The following KIF26B variants were observed in gnomAD, a reference collection of about 807,000 sequenced individuals.
KIF26B encodes kinesin family member 26B.
KIF26B carries 63 observed loss-of-function variants against 151.2 expected under a neutral mutation model. The observed-to-expected ratio is 0.42, with a 90% CI of 0.34 to 0.51. KIF26B has a LOEUF of 0.51. Ranked by LOEUF, KIF26B falls within the 20% of genes least tolerant of loss-of-function variation. The probability of loss-of-function intolerance (pLI) is 0.07; values close to 1 mark genes in which losing one functional copy is unlikely to be tolerated. For synonymous variants in KIF26B, 1,357 were observed against 1,262.1 expected, an observed-to-expected ratio of 1.08 and a Z score of -1.59; for missense variants, 2,813 against 2,913.6, an observed-to-expected ratio of 0.97 and a Z score of 0.79.
Position 245,702,892 on chromosome 1 carries a change from A to C in KIF26B, c.*286A>C. ...GAGGAACCTTAAAGACCTTGTTTGT[A>C]CATAAGAACTGCTAGCAAAAGAGAC... On this transcript the variant is annotated 3_prime_UTR_variant, in exon 15 of 15. Coordinates refer to ENST00000407071, the MANE Select transcript of KIF26B (RefSeq NM_018012.4). The surrounding 1 kb of genome is among the most constrained non-coding windows in gnomAD (Gnocchi z 4.1). The C allele has an allele frequency of 2.8e-6, 1 of 352,952 alleles. No homozygotes were observed. The highest frequency in any genetic ancestry group is 5.1e-6 in the Non-Finnish European group (1 of 196,744). The allele number at this position is 352,952 out of a possible 1,614,324, so 21.9% of individuals were successfully genotyped here.
At chr1:245,205,519 T>C (rs1457330676) in intron 2 of KIF26B, among the ~76,000 whole-genome samples, 1 of 152,126 alleles carries the variant, frequency 6.6e-6, no homozygotes, top group African/African-American at 2.4e-5. Context: ...AAAGATGTGG[T>C]TGAGAACTAC....
chr1:245,261,346 G>C (rs571721668), intron 2 of KIF26B, among the ~76,000 whole-genome samples: 1 of 152,164 alleles, frequency 6.6e-6, no homozygotes, highest in East Asian at 1.9e-4. Context: ...GGTCAGGCTG[G>C]TCTCGAACTC....
In KIF26B at chr1:245,642,932, G is replaced by T. The variant is rs1210048893; in HGVS notation, c.2099-3189G>T. ...TCCCAGGAGGACACTGCATCAATAG[G>T]ATAGTTCCACGACTGCAGCAGGAGG... On this transcript the variant is annotated intron_variant, in intron 9 of 14. Coordinates refer to ENST00000407071, the MANE Select transcript of KIF26B (RefSeq NM_018012.4). Among the ~76,000 whole-genome samples the T allele has an allele frequency of 3.9e-5, 6 of 152,148 alleles. No homozygotes were observed. In the East Asian group the frequency reaches 1.2e-3, roughly 29 times the overall value.
intron 2 of KIF26B, among the ~76,000 whole-genome samples, chr1:245,220,347 C>T (rs1195598684): frequency 6.6e-6 from 1 of 152,170 alleles, no homozygotes; most frequent in Non-Finnish European, 1.5e-5. Context: ...AGAATGATCA[C>T]TGACTCCACT....
intron 12 of KIF26B, among the ~76,000 whole-genome samples, 192 bp downstream of exon 12, chr1:245,688,999 C>T (rs1344589603): frequency 6.6e-6 from 1 of 152,126 alleles, no homozygotes; most frequent in Non-Finnish European, 1.5e-5. Context: ...CCAGGCCTGG[C>T]CTCTCCTTTC....
intron 2 of KIF26B, among the ~76,000 whole-genome samples, chr1:245,351,371 T>A (rs1672565664): frequency 6.6e-6 from 1 of 152,222 alleles, no homozygotes; most frequent in Non-Finnish European, 1.5e-5. Context: ...TGGCTATGCC[T>A]TTTCACGTGT....
At chr1:245,633,706 G>A (rs2043805348) in intron 9 of KIF26B, among the ~76,000 whole-genome samples, 1 of 151,934 alleles carries the variant, frequency 6.6e-6, no homozygotes, top group Non-Finnish European at 1.5e-5. Context: ...ATAGCTTTCA[G>A]CAATATTTCA....
intron 10 of KIF26B, among the ~76,000 whole-genome samples, chr1:245,658,754 T>C (rs1393114847): frequency 6.6e-6 from 1 of 152,140 alleles, no homozygotes; most frequent in Non-Finnish European, 1.5e-5. Flanking sequence ...TCTTTGAGGC[T>C]TATCTCAAAT....
intron 2 of KIF26B, among the ~76,000 whole-genome samples, chr1:245,215,476 G>A (rs1669626078): frequency 6.6e-6 from 1 of 152,186 alleles, no homozygotes; most frequent in Admixed American, 6.5e-5. Flanking sequence ...GCTCCTCAGG[G>A]CCTGTGGAGA....
intron 10 of KIF26B, among the ~76,000 whole-genome samples, chr1:245,677,540 A>G (rs1434179934): frequency 6.6e-6 from 1 of 152,262 alleles, no homozygotes; most frequent in Non-Finnish European, 1.5e-5. Flanking sequence ...AAATGCCATC[A>G]GGATAGCTCA....
intron 4 of KIF26B, among the ~76,000 whole-genome samples, chr1:245,452,836 T>G (rs1179865779): frequency 2.0e-5 from 3 of 152,204 alleles, no homozygotes; most frequent in Non-Finnish European, 2.9e-5. Context: ...GATACAAACA[T>G]TTATCATATA....
At chr1:245,562,000 C>G (rs1008554581) in intron 5 of KIF26B, among the ~76,000 whole-genome samples, 1 of 152,114 alleles carries the variant, frequency 6.6e-6, no homozygotes, top group Non-Finnish European at 1.5e-5. Flanking sequence ...TGGTTTCTCC[C>G]AGGGCCGTTG....
intron 3 of KIF26B, among the ~76,000 whole-genome samples, chr1:245,383,057 A>C (rs1489251927): frequency 2.0e-5 from 3 of 148,904 alleles, no homozygotes; most frequent in Non-Finnish European, 4.5e-5. Context: ...ATATATACAG[A>C]GAGAGAGAGA....
chr1:245,679,710 C>T (rs2147948159), intron 10 of KIF26B, among the ~76,000 whole-genome samples: 1 of 152,264 alleles, frequency 6.6e-6, no homozygotes, highest in Admixed American at 6.5e-5. Context: ...CTCAGGTGAT[C>T]TGCCCGCCTC....
chr1:245,362,982 T>C (rs1292517615), intron 2 of KIF26B, among the ~76,000 whole-genome samples: 1 of 152,208 alleles, frequency 6.6e-6, no homozygotes, highest in East Asian at 1.9e-4. Flanking sequence ...CCCGTGAGAC[T>C]ATCTCTGATC....
At chr1:245,359,022 CTTT>C (rs544907561) in intron 2 of KIF26B, among the ~76,000 whole-genome samples, 1 of 147,556 alleles carries the variant, frequency 6.8e-6, no homozygotes, top group Non-Finnish European at 1.5e-5. Flanking sequence ...GTTTCTCTCT[CTTT>C]TTTTTTTTCT....
intron 3 of KIF26B, among the ~76,000 whole-genome samples, chr1:245,390,698 G>A (rs1673663660): frequency 6.6e-6 from 1 of 151,810 alleles, no homozygotes; most frequent in Non-Finnish European, 1.5e-5. Context: ...TTATTGAGAA[G>A]TAGGTATTAT....
At chr1:245,620,040 C>G (rs1413783474) in intron 9 of KIF26B, among the ~76,000 whole-genome samples, 1 of 151,992 alleles carries the variant, frequency 6.6e-6, no homozygotes, top group Non-Finnish European at 1.5e-5. Context: ...AGAGAAGCCT[C>G]ACAACGCAAC....
chr1:245,429,595 A>G (rs1245782486), intron 4 of KIF26B, among the ~76,000 whole-genome samples: 2 of 152,070 alleles, frequency 1.3e-5, no homozygotes, highest in African/African-American at 4.8e-5. Context: ...AATCTTCTGA[A>G]GAGGTTTCAT....
Sources: gnomAD v4.1 joint callset for allele counts (sites outside exome capture counted in the v4.1 genomes callset) on GRCh38, gnomAD v4.1.1 for gene constraint, Gnocchi (gnomAD v3.1) non-coding constraint, MANE v1.5 for transcripts, NCBI Gene and HGNC (gene_info 2026-07-23, HGNC 2026-07-21) for gene names.